The following L3MBTL4 variants were observed in gnomAD, a reference collection of about 807,000 sequenced individuals.
The protein encoded by L3MBTL4 is L3MBTL histone methyl-lysine binding protein 4.
In L3MBTL4, 70 loss-of-function variants were observed where a neutral mutation model predicts 84.5. The ratio of observed to expected loss-of-function variants is 0.83; its 90% CI spans 0.68 to 1.01. The LOEUF (loss-of-function observed/expected upper bound fraction) is 1.01, where lower values mean the gene tolerates loss of function less well. Among genes scored for constraint, L3MBTL4 ranks in the 50% least tolerant of loss-of-function variants. The pLI, the probability that L3MBTL4 is intolerant of heterozygous loss-of-function variation, is 0.00. For synonymous variants in L3MBTL4, 274 were observed against 259.8 expected, an observed-to-expected ratio of 1.05 and a Z score of -0.52; for missense variants, 715 against 754.8, an observed-to-expected ratio of 0.95 and a Z score of 0.62.
intron 13 of L3MBTL4, among the ~76,000 whole-genome samples, chr18:6,155,620 T>C (rs1273760843): frequency 6.6e-6 from 1 of 152,172 alleles, no homozygotes; most frequent in Non-Finnish European, 1.5e-5. Flanking sequence ...GGAAAACAAA[T>C]TCCAATTTTT....
At chr18:6,337,040 G>A (rs541610514) in intron 1 of L3MBTL4, among the ~76,000 whole-genome samples, 14 of 152,224 alleles carry the variant, frequency 9.2e-5, no homozygotes, top group Admixed American at 2.6e-4. Flanking sequence ...TGGGTTTAAC[G>A]ACAGATTGAC....
At chr18:6,044,300 A>T (rs913798331) in intron 16 of L3MBTL4, among the ~76,000 whole-genome samples, 7 of 152,176 alleles carry the variant, frequency 4.6e-5, no homozygotes, top group African/African-American at 1.7e-4. Context: ...CAAAGTGAAA[A>T]CACGTCGATG....
chr18:6,168,244 A>G (rs1485549126), intron 13 of L3MBTL4, among the ~76,000 whole-genome samples: 179 of 152,256 alleles, frequency 1.2e-3, no homozygotes, highest in Non-Finnish European at 3.7e-4. Context: ...GAAAATGGCC[A>G]TACTGCCCAA....
At chr18:6,235,620 A>G (rs905956446) in intron 10 of L3MBTL4, among the ~76,000 whole-genome samples, 5 of 152,210 alleles carry the variant, frequency 3.3e-5, no homozygotes, top group Non-Finnish European at 7.3e-5. Flanking sequence ...GTAATATATC[A>G]AGAATAGGCA....
intron 1 of L3MBTL4, among the ~76,000 whole-genome samples, chr18:6,345,215 C>CAAAAAAAAAAAAAAAAA (rs35502624): frequency 3.4e-4 from 13 of 38,474 alleles, no homozygotes; most frequent in Non-Finnish European, 5.4e-4. Context: ...TACTAAAATA[C>CAAAAAAAAAAAAAAAAA]AAAAAAAAAA....
rs952506064 is a variant in L3MBTL4, at chr18:5,958,640, T to C, written c.1677+1454A>G. ...CTCATGCAGCTTCTAAGGGGCAAAG[T>C]TGGGATTTCTGGCAGAGCTTGTTGG... On this transcript the variant is annotated intron_variant, in intron 18 of 18. Transcript: ENST00000317931. 9.9e-5 allele frequency among the ~76,000 whole-genome samples: 15 copies of C among 152,252 alleles called. No homozygotes were observed. The East Asian group carries it at 1.4e-3, about 14-fold the overall frequency.
chr18:6,412,208 G>T (rs2055995423), intron 1 of L3MBTL4, among the ~76,000 whole-genome samples: 1 of 151,868 alleles, frequency 6.6e-6, no homozygotes, highest in African/African-American at 2.4e-5. Flanking sequence ...TTATCATTTT[G>T]TTCCCACTTG....
chr18:6,293,827 A>G (rs2146730161), intron 4 of L3MBTL4, among the ~76,000 whole-genome samples: 1 of 152,386 alleles, frequency 6.6e-6, no homozygotes, highest in African/African-American at 2.4e-5. Context: ...ATTTTACAAA[A>G]TAATTGGCCT....
At chr18:6,160,877 T>C (rs1222721556) in intron 13 of L3MBTL4, among the ~76,000 whole-genome samples, 3 of 152,030 alleles carry the variant, frequency 2.0e-5, no homozygotes, top group African/African-American at 7.2e-5. Flanking sequence ...CATTGTCCAA[T>C]GGAGTAGGTA....
intron 12 of L3MBTL4, among the ~76,000 whole-genome samples, chr18:6,192,300 G>A (rs897263260): frequency 3.9e-5 from 6 of 152,140 alleles, no homozygotes; most frequent in South Asian, 2.1e-4. Context: ...ATTGTCTTAC[G>A]GAAAGGGAAA....
chr18:5,981,340 T>C (rs945209217), intron 16 of L3MBTL4, among the ~76,000 whole-genome samples: 1 of 152,246 alleles, frequency 6.6e-6, no homozygotes, highest in African/African-American at 2.4e-5. Flanking sequence ...AAGTTCTTTG[T>C]TATACAAGTA....
intron 10 of L3MBTL4, among the ~76,000 whole-genome samples, chr18:6,229,152 A>G (rs902238845): frequency 1.3e-5 from 2 of 152,226 alleles, no homozygotes; most frequent in African/African-American, 2.4e-5. Context: ...ATTAAGAGAC[A>G]GTACTGGAAA....
At chr18:6,108,587 ACT>A (rs1359138907) in intron 14 of L3MBTL4, among the ~76,000 whole-genome samples, 12 of 152,050 alleles carry the variant, frequency 7.9e-5, no homozygotes. Context: ...AGAGTCACTG[ACT>A]AGGAGTCCAT....
At chr18:6,286,969 C>T (rs1309626425) in intron 4 of L3MBTL4, among the ~76,000 whole-genome samples, 1 of 152,148 alleles carries the variant, frequency 6.6e-6, no homozygotes, top group African/African-American at 2.4e-5. Flanking sequence ...CAGATTGAGG[C>T]TTCAGTGAAG....
At chr18:6,115,349 G>A (rs865863514) in intron 14 of L3MBTL4, among the ~76,000 whole-genome samples, 9 of 152,182 alleles carry the variant, frequency 5.9e-5, no homozygotes, top group Non-Finnish European at 7.4e-5. Flanking sequence ...TGAATATGGC[G>A]ATGAAGAGGC....
chr18:6,060,043 G>A (rs1383209032), intron 16 of L3MBTL4, among the ~76,000 whole-genome samples: 1 of 152,140 alleles, frequency 6.6e-6, no homozygotes, highest in East Asian at 1.9e-4. Context: ...AATAACAGAT[G>A]CAATATCTGT....
chr18:6,348,049 T>C (rs955414423), intron 1 of L3MBTL4, among the ~76,000 whole-genome samples: 3 of 152,056 alleles, frequency 2.0e-5, no homozygotes, highest in African/African-American at 7.2e-5. Context: ...TACAATAGCA[T>C]TGATTCCTAT....
chr18:6,105,984 T>G (rs923059147), intron 14 of L3MBTL4, among the ~76,000 whole-genome samples: 7 of 152,218 alleles, frequency 4.6e-5, no homozygotes, highest in Non-Finnish European at 7.3e-5. Flanking sequence ...TAGTTTTTAC[T>G]ATACATGATA....
chr18:6,270,783 T>A (rs866447210), intron 4 of L3MBTL4, among the ~76,000 whole-genome samples: 3 of 152,176 alleles, frequency 2.0e-5, no homozygotes, highest in Non-Finnish European at 2.9e-5. Flanking sequence ...GGGGCAAACG[T>A]GAGACCATGC....
Sources: allele counts gnomAD v4.1 joint callset (sites outside exome capture counted in the v4.1 genomes callset), GRCh38; gene constraint gnomAD v4.1.1; transcripts MANE v1.5; gene names NCBI Gene and HGNC (gene_info 2026-07-23, HGNC 2026-07-21).